Variants in SEMA3A observed in about 807,000 individuals in gnomAD.
SEMA3A encodes the protein semaphorin 3A.
Under a neutral mutation model 97.9 loss-of-function variants are expected in SEMA3A, and 29 were observed. The ratio of observed to expected loss-of-function variants is 0.30; its 90% CI spans 0.22 to 0.40. The LOEUF (loss-of-function observed/expected upper bound fraction) is 0.40, where lower values mean the gene tolerates loss of function less well. SEMA3A is among the 10% of genes least tolerant of loss of function. The pLI is 1.00. For missense variants in SEMA3A, 763 were observed against 951.3 expected, an observed-to-expected ratio of 0.80 and a Z score of 2.60; for synonymous variants, 321 against 323.7, an observed-to-expected ratio of 0.99 and a Z score of 0.09.
chr7:84,418,849 C>T (rs1203287532), intron 1 of SEMA3A, among the ~76,000 whole-genome samples: 1 of 151,750 alleles, frequency 6.6e-6, no homozygotes, highest in Non-Finnish European at 1.5e-5. Context: ...TGGGACATAG[C>T]CTTGTAACTG....
At chr7:84,355,928 A>G (rs1802549629) in intron 2 of SEMA3A, among the ~76,000 whole-genome samples, 1 of 141,766 alleles carries the variant, frequency 7.1e-6, no homozygotes, top group Non-Finnish European at 1.5e-5. Context: ...CGTGGCCTTC[A>G]TAATGCTATT....
rs554563734 is a variant in SEMA3A at position 83,956,545 on chromosome 7, G to A, written c.*4826C>T. 6.6e-6 allele frequency: 1 copy of A among 152,274 alleles called. No individual in the cohort carries two copies. Among genetic ancestry groups the A allele is most frequent in the South Asian group, 2.1e-4 (1 of 4,826 alleles). 9.4% of individuals were successfully genotyped at this position (152,274 alleles called of 1,614,324 possible). ...AGATAAATGAGGTGAACATTAAGAAGGAAGGTAAAGAGATTGTGGGGTGGA... is the reference window on the plus strand; with the variant it reads ...AGATAAATGAGGTGAACATTAAGAAAGAAGGTAAAGAGATTGTGGGGTGGA... On this transcript the variant is annotated 3_prime_UTR_variant, in exon 17 of 17. Transcript: ENST00000265362.
intron 2 of SEMA3A, among the ~76,000 whole-genome samples, chr7:84,339,290 C>A (rs1802108392): frequency 6.6e-6 from 1 of 152,146 alleles, no homozygotes. Flanking sequence ...ACTCTCTTTG[C>A]AGGGTCAATT....
intron 2 of SEMA3A, among the ~76,000 whole-genome samples, chr7:84,338,034 TA>T (rs2115975235): frequency 6.6e-6 from 1 of 152,128 alleles, no homozygotes; most frequent in Admixed American, 6.6e-5. Context: ...TACACATAAA[TA>T]TTTTTATCAT....
At chr7:84,289,256 C>T (rs910094472) in intron 3 of SEMA3A, among the ~76,000 whole-genome samples, 1 of 151,896 alleles carries the variant, frequency 6.6e-6, no homozygotes, top group African/African-American at 2.4e-5. Context: ...TTAATGGGTA[C>T]AAAACTACAG....
rs368421141 is a variant in SEMA3A at position 84,299,338 on chromosome 7, A to ATCTCTCTC, written c.-83+7861_-83+7868dup. 3.3e-4 allele frequency among the ~76,000 whole-genome samples: 37 copies of ATCTCTCTC among 112,984 alleles called. No homozygotes were observed. The East Asian group carries it at 5.6e-3, about 17-fold the overall frequency. 74.1% of individuals were successfully genotyped at this position (112,984 alleles called of 152,430 possible). ...TATATATATATCTCCATATATATGT[A>ATCTCTCTC]TCTCTCTCTCTCTCTCTCTCTCTCT... On this transcript the variant is annotated intron_variant, in intron 3 of 3. Coordinates refer to the SEMA3A transcript ENST00000424555.
chr7:84,411,986 A>C (rs1249718309), intron 1 of SEMA3A, among the ~76,000 whole-genome samples: 1 of 152,130 alleles, frequency 6.6e-6, no homozygotes, highest in African/African-American at 2.4e-5. Flanking sequence ...TAACATATGT[A>C]ATTTCTACAA....
chr7:84,020,415 T>TGTC (rs1791286205), intron 6 of SEMA3A, among the ~76,000 whole-genome samples: 2 of 151,464 alleles, frequency 1.3e-5, no homozygotes, highest in African/African-American at 2.4e-5. Context: ...CATCAAGCTA[T>TGTC]GTCAACTTTC....
intron 6 of SEMA3A, among the ~76,000 whole-genome samples, chr7:84,035,588 A>C (rs1452793938): frequency 6.6e-6 from 1 of 152,078 alleles, no homozygotes; most frequent in African/African-American, 2.4e-5. Flanking sequence ...AACTCTGAGA[A>C]AAATGTCTGG....
At chr7:84,420,729 T>C (rs1804566880) in intron 1 of SEMA3A, among the ~76,000 whole-genome samples, 1 of 152,108 alleles carries the variant, frequency 6.6e-6, no homozygotes, top group South Asian at 2.1e-4. Flanking sequence ...AGGGTGTATG[T>C]GTCCAGGAAT....
At chr7:84,195,030 G>C (rs866608553), upstream of SEMA3A, 2 of 133,008 alleles carry the variant, frequency 1.5e-5, no homozygotes, top group Non-Finnish European at 3.3e-5. Flanking sequence ...GAGAAAGAGA[G>C]AGAGAGAGAG....
intron 1 of SEMA3A, among the ~76,000 whole-genome samples, chr7:84,425,490 AT>A (rs1584315995): frequency 7.0e-6 from 1 of 142,130 alleles, no homozygotes; most frequent in African/African-American, 2.6e-5. Context: ...TAAAAATATA[AT>A]TATATGCATA....
chr7:84,363,105 T>C (rs1987325), intron 2 of SEMA3A, among the ~76,000 whole-genome samples: 43,597 of 151,798 alleles, frequency 0.29, 6,734 homozygotes, highest in African/African-American at 0.38. Context: ...AAGAGTTAGT[T>C]TACGGACATC....
chr7:84,346,738 T>G lies in SEMA3A; in HGVS notation c.-169+25086A>C, dbSNP rs182682677. Among the ~76,000 whole-genome samples, 371 of 152,182 alleles carry G rather than the reference T, an allele frequency of 2.4e-3. 2 individuals carry two copies. The highest frequency in any genetic ancestry group is 0.01 in the Middle Eastern group (3 of 294). ...TCACAGATCAACAAAACAACTATAA[T>G]AATAGGGAAAAACTTTAAAATAATT... is the stretch of plus-strand genomic sequence containing the variant. On this transcript the variant is annotated intron_variant, in intron 2 of 3. Coordinates refer to the SEMA3A transcript ENST00000424555.
intron 6 of SEMA3A, among the ~76,000 whole-genome samples, chr7:84,024,162 T>G (rs1413314497): frequency 6.6e-6 from 1 of 152,206 alleles, no homozygotes; most frequent in Non-Finnish European, 1.5e-5. Flanking sequence ...TTCACTGTAC[T>G]TATATAAAAA....
chr7:84,077,475 A>G (rs953387044), intron 4 of SEMA3A, among the ~76,000 whole-genome samples: 4 of 152,200 alleles, frequency 2.6e-5, no homozygotes, highest in Non-Finnish European at 5.9e-5. Context: ...TGTAAAAAGA[A>G]TTGGAATCTA....
intron 1 of SEMA3A, among the ~76,000 whole-genome samples, chr7:84,421,852 T>A (rs905807855): frequency 6.6e-6 from 1 of 152,070 alleles, no homozygotes; most frequent in African/African-American, 2.4e-5. Flanking sequence ...CAGCCTTGCA[T>A]CCCAGGGATG....
intron 1 of SEMA3A, among the ~76,000 whole-genome samples, chr7:84,402,068 G>A (rs1803919405): frequency 6.6e-6 from 1 of 152,054 alleles, no homozygotes; most frequent in East Asian, 1.9e-4. Flanking sequence ...ACAACTTCTT[G>A]GGAGAAAACA....
intron 1 of SEMA3A, among the ~76,000 whole-genome samples, chr7:84,430,789 TTGTGTGTGTGTG>T (rs56814153): frequency 2.1e-5 from 3 of 143,332 alleles, no homozygotes; most frequent in South Asian, 2.2e-4. Flanking sequence ...AACATAAAAT[TTGTGTGTGTGTG>T]TGTGTGTGTG....
Sources: gnomAD v4.1 joint callset for allele counts (sites outside exome capture counted in the v4.1 genomes callset) on GRCh38, gnomAD v4.1.1 for gene constraint, MANE v1.5 for transcripts, NCBI Gene and HGNC (gene_info 2026-07-23, HGNC 2026-07-21) for gene names.